The following DENND2B variants were observed in gnomAD, a reference collection of about 807,000 sequenced individuals.
DENND2B encodes DENN domain containing 2B.
DENND2B carries 32 observed loss-of-function variants against 116.0 expected under a neutral mutation model. That is an observed-to-expected ratio of 0.28 (90% CI 0.21 to 0.37). The LOEUF (loss-of-function observed/expected upper bound fraction) is 0.37, where lower values mean the gene tolerates loss of function less well. Among genes scored for constraint, DENND2B ranks in the 10% least tolerant of loss-of-function variants. The pLI is 1.00. For missense variants in DENND2B, 1,276 were observed against 1,477.7 expected (o/e 0.86, Z 2.24); for synonymous variants, 588 against 583.9 (o/e 1.01, Z -0.10).
chr11:8,897,655 G>T (rs529457603), intron 1 of DENND2B, among the ~76,000 whole-genome samples: 3 of 152,346 alleles, frequency 2.0e-5, no homozygotes, highest in African/African-American at 7.2e-5. Flanking sequence ...TGGTCTGGAA[G>T]GCTGTGTACA....
At chr11:8,814,276 TTTTTTTTTTA>T (rs907780654), upstream of DENND2B, among the ~76,000 whole-genome samples, 8 of 149,298 alleles carry the variant, frequency 5.4e-5, no homozygotes, top group African/African-American at 2.0e-4. Flanking sequence ...CCTTTTTTTT[TTTTTTTTTTA>T]ACACCAGATC....
chr11:8,861,545 T>C (rs1459307494), intron 2 of DENND2B, among the ~76,000 whole-genome samples: 1 of 152,186 alleles, frequency 6.6e-6, no homozygotes, highest in Non-Finnish European at 1.5e-5. Flanking sequence ...GATCTTGACA[T>C]GGATGTGGTG....
intron 2 of DENND2B, among the ~76,000 whole-genome samples, chr11:8,862,004 T>C (rs531631071): frequency 6.6e-6 from 1 of 150,976 alleles, no homozygotes; most frequent in East Asian, 2.0e-4. Flanking sequence ...TATCGAGTGG[T>C]ATAATGGATT....
intron 1 of DENND2B, among the ~76,000 whole-genome samples, chr11:8,902,325 C>CAAAAA (rs71059192): frequency 7.8e-6 from 1 of 128,060 alleles, no homozygotes; most frequent in Non-Finnish European, 1.6e-5. Context: ...GACTCCATCT[C>CAAAAA]AAAAAAAAAA....
chr11:8,731,372 G>C (rs1188649424), intron 2 of DENND2B, among the ~76,000 whole-genome samples, 163 bp from the exon 3 acceptor site: 1 of 152,170 alleles, frequency 6.6e-6, no homozygotes, highest in African/African-American at 2.4e-5. Flanking sequence ...TGTCTTCAAG[G>C]AGAGCAATAG....
chr11:8,885,313 AG>A (rs2063948824), intron 1 of DENND2B, among the ~76,000 whole-genome samples: 1 of 152,242 alleles, frequency 6.6e-6, no homozygotes, highest in African/African-American at 2.4e-5. Flanking sequence ...GGCTGCCTAT[AG>A]TTCTAGTGCT....
At chr11:8,860,333 A>AAATG (rs34608630) in intron 2 of DENND2B, among the ~76,000 whole-genome samples, 41,857 of 151,906 alleles carry the variant, frequency 0.28, 5,978 homozygotes, top group Middle Eastern at 0.4. Context: ...TAGATTTGAT[A>AAATG]AATTCAGTAA....
intron 1 of DENND2B, chr11:8,766,654 G>T: frequency 1.6e-6 from 2 of 1,289,290 alleles, no homozygotes; most frequent in Non-Finnish European, 1.0e-6. Context: ...GTTCCCACGG[G>T]GTTTCTTGCC....
intron 4 of DENND2B, among the ~76,000 whole-genome samples, chr11:8,723,578 G>A (rs1237669447): frequency 6.6e-6 from 1 of 152,192 alleles, no homozygotes; most frequent in African/African-American, 2.4e-5. Context: ...CTTGCATAAG[G>A]AGGTGAGAAA....
intron 2 of DENND2B, among the ~76,000 whole-genome samples, chr11:8,746,794 G>A (rs557856768): frequency 6.6e-6 from 1 of 152,304 alleles, no homozygotes; most frequent in South Asian, 2.1e-4. Flanking sequence ...TTGGGGGCAG[G>A]AAGATCCCAG....
At position 8,732,732 on chromosome 11, in the gene DENND2B, C is replaced by T. The variant is rs1376056990; in HGVS notation, c.81-1523G>A. On this transcript the variant is annotated intron_variant, in intron 2 of 19. Coordinates refer to ENST00000313726, the MANE Select transcript of DENND2B (RefSeq NM_213618.2). ...ACTTGTCTACTAGAGTAACCACTGTCAACTTTCAGAATTCTTTCCAAACAG... is the reference window on the plus strand; with the variant it reads ...ACTTGTCTACTAGAGTAACCACTGTTAACTTTCAGAATTCTTTCCAAACAG... 3.3e-5 allele frequency among the ~76,000 whole-genome samples: 5 copies of T among 152,244 alleles called. No homozygotes were observed. The East Asian group carries it at 9.6e-4, about 29-fold the overall frequency.
chr11:8,796,478 G>A (rs1013483862), intron 1 of DENND2B, among the ~76,000 whole-genome samples: 2 of 152,212 alleles, frequency 1.3e-5, no homozygotes, highest in Non-Finnish European at 2.9e-5. Context: ...GGCAACGGTT[G>A]CAGTGAGCCA....
intron 1 of DENND2B, among the ~76,000 whole-genome samples, chr11:8,801,289 C>T (rs150539082): frequency 8.5e-5 from 13 of 152,092 alleles, no homozygotes; most frequent in African/African-American, 2.7e-4. Flanking sequence ...ACGCTTATCA[C>T]TGCTCTGCTG....
At chr11:8,882,461 T>C (rs1201611522) in intron 1 of DENND2B, among the ~76,000 whole-genome samples, 1 of 152,212 alleles carries the variant, frequency 6.6e-6, no homozygotes, top group African/African-American at 2.4e-5. Flanking sequence ...TGTGAGCCTC[T>C]TGAAAGCATG....
intron 1 of DENND2B, among the ~76,000 whole-genome samples, chr11:8,898,267 C>G (rs1296438873): frequency 6.6e-6 from 1 of 152,188 alleles, no homozygotes; most frequent in Non-Finnish European, 1.5e-5. Context: ...CAGCACACAT[C>G]TGTAGTCCCA....
chr11:8,765,299 T>C (rs1416580050), intron 1 of DENND2B, among the ~76,000 whole-genome samples: 1 of 152,222 alleles, frequency 6.6e-6, no homozygotes, highest in African/African-American at 2.4e-5. Context: ...CAAGTGCTAC[T>C]TGGCAGTTTC....
chr11:8,847,600 C>T (rs764333456), intron 3 of DENND2B, among the ~76,000 whole-genome samples: 5 of 152,086 alleles, frequency 3.3e-5, no homozygotes, highest in Non-Finnish European at 5.9e-5. Context: ...AAAAGCTAAT[C>T]CCTGTAATGG....
chr11:8,824,965 C>T (rs2061921735), intron 4 of DENND2B, among the ~76,000 whole-genome samples: 1 of 151,512 alleles, frequency 6.6e-6, no homozygotes. Flanking sequence ...TCCTGAAGTG[C>T]TGGAATTACA....
intron 5 of DENND2B, among the ~76,000 whole-genome samples, chr11:8,716,146 T>C (rs553688203): frequency 6.6e-6 from 1 of 152,296 alleles, no homozygotes; most frequent in South Asian, 2.1e-4. Flanking sequence ...GGGACAAGAA[T>C]TACTGGGCCT....
Sources: gnomAD v4.1 joint callset for allele counts (sites outside exome capture counted in the v4.1 genomes callset) on GRCh38, gnomAD v4.1.1 for gene constraint, MANE v1.5 for transcripts, NCBI Gene and HGNC (gene_info 2026-07-23, HGNC 2026-07-21) for gene names.